The following NME9 variants were observed in gnomAD, a reference collection of about 807,000 sequenced individuals.
NME9 encodes the protein NME/NM23 family member 9, also known as thioredoxin domain-containing protein 6.
A neutral mutation model predicts 44.4 loss-of-function variants in NME9; 48 were observed. That is an observed-to-expected ratio of 1.08 (90% CI 0.86 to 1.37). The LOEUF (loss-of-function observed/expected upper bound fraction) is 1.37, where lower values mean the gene tolerates loss of function less well. Among genes scored for constraint, NME9 ranks in the 40% most tolerant of loss-of-function variants. The probability of loss-of-function intolerance (pLI) is 0.00; values close to 1 mark genes in which losing one functional copy is unlikely to be tolerated. For missense variants in NME9, 325 were observed against 405.2 expected (o/e 0.80, Z 1.70); for synonymous variants, 139 against 147.1 (o/e 0.94, Z 0.40).
chr3:138,306,093 G>T lies in NME9; in HGVS notation c.547C>A (p.Gln183Lys). The T allele has an allele frequency of 6.3e-7, 1 of 1,593,626 alleles. No homozygotes were observed. Among genetic ancestry groups the T allele is most frequent in the Non-Finnish European group, 8.6e-7 (1 of 1,161,480 alleles). ...GKTDEIIMKI[Q>K]EAGFEILTNE... ...GTTAGAATTTCAAACCCAGCTTCCT[G>T]AATCTGTAGAATATATATAAATATT... Residue 183 changes from glutamine to lysine, a missense_variant, in exon 8 of 11, where the codon CAG becomes AAG. Coordinates refer to ENST00000333911, the MANE Select transcript of NME9 (RefSeq NM_001349018.2).
intron 3 of NME9, among the ~76,000 whole-genome samples, chr3:138,318,933 C>T (rs924865785): frequency 6.6e-6 from 1 of 152,164 alleles, no homozygotes; most frequent in Admixed American, 6.5e-5. Context: ...GGTGGTGGCT[C>T]ATGCCTGTAA....
intron 1 of NME9, among the ~76,000 whole-genome samples, chr3:138,325,878 A>G (rs533902397): frequency 2.6e-5 from 4 of 151,404 alleles, no homozygotes; most frequent in Non-Finnish European, 5.9e-5. Flanking sequence ...ATTCCTATAT[A>G]ACACATTACG....
downstream of NME9, among the ~76,000 whole-genome samples, chr3:138,299,688 G>A (rs1316026759): frequency 2.0e-5 from 3 of 152,040 alleles, no homozygotes; most frequent in South Asian, 2.1e-4. Context: ...TCCCACTCCT[G>A]CCCCATCACC....
At chr3:138,264,417 T>C (rs1184348234) in intron 8 of NME9, among the ~76,000 whole-genome samples, 11 of 134,122 alleles carry the variant, frequency 8.2e-5, no homozygotes, top group Admixed American at 3.0e-4. Flanking sequence ...TCTTTCTTTT[T>C]TTTTTTTTTT....
chr3:138,324,742 C>A, intron 2 of NME9, 131 bp downstream of exon 2: 1 of 632,662 alleles, frequency 1.6e-6, no homozygotes, highest in Non-Finnish European at 2.9e-6. Context: ...ACACACACAT[C>A]ACCTGGTTTT....
chr3:138,298,010 A>G (rs1050013608), downstream of NME9: 3 of 152,264 alleles, frequency 2.0e-5, no homozygotes, highest in African/African-American at 7.2e-5. Context: ...CAGATGGTCA[A>G]ATTAAAAATG....
intron 8 of NME9, among the ~76,000 whole-genome samples, chr3:138,263,287 G>A (rs949914984): frequency 4.6e-5 from 7 of 152,214 alleles, no homozygotes; most frequent in Non-Finnish European, 8.8e-5. Flanking sequence ...AGTTTCAGTC[G>A]GTTGGTAAGA....
chr3:138,287,255 C>T (rs1023368561), intron 8 of NME9, among the ~76,000 whole-genome samples: 3 of 152,190 alleles, frequency 2.0e-5, no homozygotes. Flanking sequence ...CACAATTTGG[C>T]TACACCTACT....
chr3:138,287,685 A>C (rs143212395), intron 8 of NME9: 7 of 456,746 alleles, frequency 1.5e-5, no homozygotes, highest in African/African-American at 1.4e-4. Context: ...AGAAGAAAGA[A>C]TCACTAGCCA....
At chr3:138,270,449 C>CA (rs1251471492) in intron 8 of NME9, among the ~76,000 whole-genome samples, 3 of 152,196 alleles carry the variant, frequency 2.0e-5, no homozygotes, top group African/African-American at 7.2e-5. Flanking sequence ...ACCTACTTTA[C>CA]AAAGCACTTT....
exon 9 of NME9, chr3:138,262,429 C>T: frequency 8.1e-7 from 1 of 1,234,824 alleles, no homozygotes. Flanking sequence ...TGATATTTTC[C>T]CTGATCATTG....
At chr3:138,317,879 C>T (rs760577805) in intron 4 of NME9, among the ~76,000 whole-genome samples, 1 of 152,180 alleles carries the variant, frequency 6.6e-6, no homozygotes, top group Non-Finnish European at 1.5e-5. Flanking sequence ...GTGTCATCCA[C>T]CTCCTTGGGC....
chr3:138,298,677 TCTC>T (rs1485639842), downstream of NME9, among the ~76,000 whole-genome samples: 1 of 152,036 alleles, frequency 6.6e-6, no homozygotes, highest in Non-Finnish European at 1.5e-5. Flanking sequence ...TCCATCCTCT[TCTC>T]CTTAGGTATG....
chr3:138,307,004 C>CTT (rs1241543310), intron 6 of NME9, among the ~76,000 whole-genome samples: 1 of 152,204 alleles, frequency 6.6e-6, no homozygotes, highest in Non-Finnish European at 1.5e-5. Context: ...GCCTCTGATA[C>CTT]TTTTTCCCTT....
chr3:138,270,230 C>T (rs1421223916), intron 8 of NME9: 46 of 1,000,218 alleles, frequency 4.6e-5, no homozygotes, highest in Non-Finnish European at 6.2e-5. Context: ...CTGGAATTTT[C>T]TTTTTCAAAA....
chr3:138,289,246 C>A, intron 8 of NME9: 1 of 697,862 alleles, frequency 1.4e-6, no homozygotes, highest in Non-Finnish European at 2.4e-6. Context: ...CCCAAGCACC[C>A]TCTAGAGTTG....
chr3:138,315,370 C>T (rs766009719), intron 5 of NME9, among the ~76,000 whole-genome samples, 157 bp downstream of exon 5: 2 of 152,164 alleles, frequency 1.3e-5, no homozygotes, highest in Non-Finnish European at 2.9e-5. Flanking sequence ...ACACATATCA[C>T]CAGGGCACAG....
Position 138,301,551 on chromosome 3 carries a change from G to C in NME9, c.*89C>G. The stretch of plus-strand genomic sequence containing the variant: ...AAAGACAGCTAAACCAAAAAGTATT[G>C]GTACTCAAAAGAGTAAGTTCCGATT... On this transcript the variant is annotated 3_prime_UTR_variant, in exon 11 of 11. Transcript: ENST00000333911. 3 of 1,508,988 alleles carry C rather than the reference G, an allele frequency of 2.0e-6. No individual in the cohort carries two copies. Among genetic ancestry groups the C allele is most frequent in the Non-Finnish European group, 2.6e-6 (3 of 1,134,418 alleles). 93.5% of individuals were successfully genotyped at this position (1,508,988 alleles called of 1,614,324 possible). A position where few individuals can be genotyped will look rare whatever the true frequency, so the allele number is the denominator to read the frequency against.
At chr3:138,280,017 C>T (rs561712481) in intron 8 of NME9, among the ~76,000 whole-genome samples, 4 of 152,042 alleles carry the variant, frequency 2.6e-5, no homozygotes, top group East Asian at 3.9e-4. Flanking sequence ...CTTTCTCCTG[C>T]CTCCACCTCC....
Sources: gnomAD v4.1 joint callset for allele counts (sites outside exome capture counted in the v4.1 genomes callset) on GRCh38, gnomAD v4.1.1 for gene constraint, MANE v1.5 for transcripts, NCBI Gene and HGNC (gene_info 2026-07-23, HGNC 2026-07-21) for gene names.